Variants in HMCN1 observed in about 807,000 individuals in gnomAD.
The protein encoded by HMCN1 is hemicentin 1, also known as hemicentin-1.
HMCN1 carries 321 observed loss-of-function variants against 625.9 expected under a neutral mutation model. The observed-to-expected ratio is 0.51, with a 90% confidence interval of 0.47 to 0.56. The LOEUF is 0.56. HMCN1 is among the 20% of genes least tolerant of loss of function. The pLI is 0.00. For synonymous variants in HMCN1, 2,425 were observed against 2,417.6 expected (o/e 1.00, Z -0.09); for missense variants, 6,588 against 6,887.3 (o/e 0.96, Z 1.54).
At chr1:186,045,605 T>C in intron 40 of HMCN1, 83 bp from the exon 41 acceptor site, 4 of 1,011,706 alleles carry the variant, frequency 4.0e-6, no homozygotes, top group Non-Finnish European at 6.3e-6. Flanking sequence ...AATAAAGGTA[T>C]TCAGTATATG....
intron 1 of HMCN1, among the ~76,000 whole-genome samples, chr1:185,845,432 G>A (rs948753373): frequency 2.0e-5 from 3 of 152,046 alleles, no homozygotes; most frequent in African/African-American, 7.2e-5. Flanking sequence ...TGTTGGTCAG[G>A]CTGGTCTCGA....
intron 2 of HMCN1, among the ~76,000 whole-genome samples, chr1:185,854,693 T>G (rs192092732): frequency 6.6e-6 from 1 of 152,186 alleles, no homozygotes. Context: ...ATGTAGTCAT[T>G]GCCTTTAAGA....
intron 82 of HMCN1, among the ~76,000 whole-genome samples, chr1:186,126,617 G>A (rs1018368160): frequency 6.6e-6 from 1 of 152,076 alleles, no homozygotes; most frequent in Non-Finnish European, 1.5e-5. Flanking sequence ...AATATTGGAG[G>A]AGCAGACCGG....
intron 102 of HMCN1, 35 bp downstream of exon 102, chr1:186,172,166 TTTGCCGTCAAC>T (rs1652275399): frequency 6.2e-7 from 1 of 1,612,420 alleles, no homozygotes; most frequent in African/African-American, 1.3e-5. Context: ...CTGAGATCAG[TTTGCCGTCAAC>T]AAGTCAAGTA....
At chr1:185,806,660 C>T (rs545209948) in intron 1 of HMCN1, among the ~76,000 whole-genome samples, 2 of 151,892 alleles carry the variant, frequency 1.3e-5, no homozygotes, top group Admixed American at 1.3e-4. Flanking sequence ...GCATCTCTCA[C>T]GTACGATGGC....
At chr1:185,835,242 T>G (rs572552453) in intron 1 of HMCN1, among the ~76,000 whole-genome samples, 2 of 152,346 alleles carry the variant, frequency 1.3e-5, no homozygotes, top group South Asian at 4.1e-4. Context: ...GCCAGAGGTA[T>G]TGAAACCCTG....
At chr1:185,766,134 G>A (rs1199719933) in intron 1 of HMCN1, among the ~76,000 whole-genome samples, 5 of 152,240 alleles carry the variant, frequency 3.3e-5, no homozygotes, top group South Asian at 2.1e-4. Context: ...TTAAACCAAA[G>A]CAAAGTTCTA....
rs558534463 is a variant in HMCN1 at position 186,030,834 on chromosome 1, T to G, written c.5750-7100T>G. The stretch of plus-strand genomic sequence containing the variant: ...TGCTTCTTTTACATTTTTTGAGTTC[T>G]ATTTTTAGTAGTTTTCCTCAGTATT... On this transcript the variant is annotated intron_variant, in intron 36 of 106. Transcript: ENST00000271588. 1.3e-3 allele frequency among the ~76,000 whole-genome samples: 194 copies of G among 152,064 alleles called. 1 individual carries two copies. The highest frequency in any genetic ancestry group is 4.3e-3 in the African/African-American group (178 of 41,566).
chr1:186,164,406 A>AT (rs1357149329), intron 97 of HMCN1, among the ~76,000 whole-genome samples: 3 of 151,738 alleles, frequency 2.0e-5, no homozygotes, highest in Non-Finnish European at 4.4e-5. Flanking sequence ...CACCTGGCTA[A>AT]TTTTTTGTAT....
intron 73 of HMCN1, 88 bp from the exon 74 acceptor site, chr1:186,114,731 C>T: frequency 6.8e-7 from 1 of 1,463,922 alleles, no homozygotes; most frequent in Non-Finnish European, 9.5e-7. Context: ...GAATGGATTT[C>T]ACCAAGTGTT....
At chr1:185,839,202 T>G (rs1053031445) in intron 1 of HMCN1, among the ~76,000 whole-genome samples, 3 of 152,210 alleles carry the variant, frequency 2.0e-5, no homozygotes, top group Non-Finnish European at 4.4e-5. Flanking sequence ...TTTTATTTTC[T>G]TTATCCCTAA....
chr1:186,130,003 T>A lies in HMCN1; in HGVS notation c.12942T>A (p.Val4314=). The change falls in exon 84 of 107, where the codon GTT becomes GTA. Residue 4314 remains valine, a synonymous_variant. Transcript: ENST00000271588. Reference sequence around the variant, plus strand: ...GTGTGAATGGACACAGTGAACTTGTTATTGAAAGAGTGTCAAAAGAGGATT... The same window carrying A: ...GTGTGAATGGACACAGTGAACTTGTAATTGAAAGAGTGTCAAAAGAGGATT... The part of the protein sequence containing the change: ...FDSVNGHSEL[V]IERVSKEDSG... 6.2e-7 allele frequency: 1 copy of A among 1,613,210 alleles called. No individual in the cohort carries two copies. The highest frequency in any genetic ancestry group is 8.5e-7 in the Non-Finnish European group (1 of 1,179,366).
intron 100 of HMCN1, among the ~76,000 whole-genome samples, chr1:186,168,174 T>C (rs950843345): frequency 2.7e-5 from 4 of 150,688 alleles, no homozygotes; most frequent in Non-Finnish European, 4.4e-5. Flanking sequence ...TATATTATTA[T>C]TCATACTAGA....
At chr1:186,132,173 T>C (rs1269322852) in intron 85 of HMCN1, among the ~76,000 whole-genome samples, 155 bp from the exon 86 acceptor site, 5 of 152,098 alleles carry the variant, frequency 3.3e-5, no homozygotes, top group African/African-American at 1.2e-4. Flanking sequence ...CTCCTTTAAA[T>C]CTATTTAAGA....
intron 60 of HMCN1, 32 bp from the exon 61 acceptor site, chr1:186,087,900 G>T: frequency 6.4e-7 from 1 of 1,564,198 alleles, no homozygotes; most frequent in Admixed American, 1.7e-5. Context: ...ATAACTTAAT[G>T]GAGCACATAC....
intron 11 of HMCN1, among the ~76,000 whole-genome samples, chr1:185,946,422 A>C (rs1410428058): frequency 1.3e-5 from 2 of 152,236 alleles, no homozygotes; most frequent in Non-Finnish European, 2.9e-5. Flanking sequence ...GTAAAACTTC[A>C]GAAGTCTCCT....
intron 83 of HMCN1, among the ~76,000 whole-genome samples, chr1:186,129,599 TAATGAGATA>T (rs1462736336): frequency 6.6e-6 from 1 of 152,084 alleles, no homozygotes. Context: ...GGAAAAGTGG[TAATGAGATA>T]AATGAAATGG....
At chr1:185,737,861 GGT>G (rs1465081566) in intron 1 of HMCN1, among the ~76,000 whole-genome samples, 1 of 152,180 alleles carries the variant, frequency 6.6e-6, no homozygotes, top group Admixed American at 6.5e-5. Flanking sequence ...TTTGGGGCAA[GGT>G]GTGTATTTGC....
At chr1:186,083,891 A>C (rs1182352807) in intron 57 of HMCN1, among the ~76,000 whole-genome samples, 1 of 152,186 alleles carries the variant, frequency 6.6e-6, no homozygotes, top group Non-Finnish European at 1.5e-5. Flanking sequence ...AAGTTTTTTG[A>C]ATGGATAAAT....
Sources: gnomAD v4.1 joint callset for allele counts (sites outside exome capture counted in the v4.1 genomes callset) on GRCh38, gnomAD v4.1.1 for gene constraint, MANE v1.5 for transcripts, NCBI Gene and HGNC (gene_info 2026-07-23, HGNC 2026-07-21) for gene names.